SEMA3A: variants seen among roughly 807,000 people sequenced by gnomAD.
The protein encoded by SEMA3A is semaphorin 3A.
SEMA3A carries 29 observed loss-of-function variants against 97.9 expected under a neutral mutation model. That is an observed-to-expected ratio of 0.30 (90% CI 0.22 to 0.40). The LOEUF is 0.40. Ranked by LOEUF, SEMA3A falls within the 10% of genes least tolerant of loss-of-function variation. SEMA3A has a pLI of 1.00. For missense variants in SEMA3A, 763 were observed against 951.3 expected, an observed-to-expected ratio of 0.80 and a Z score of 2.60; for synonymous variants, 321 against 323.7, an observed-to-expected ratio of 0.99 and a Z score of 0.09.
intron 2 of SEMA3A, among the ~76,000 whole-genome samples, chr7:84,357,649 C>T (rs1584261774): frequency 6.6e-6 from 1 of 151,842 alleles, no homozygotes; most frequent in African/African-American, 2.4e-5. Context: ...GGGTATATAC[C>T]CAGTAATGGG....
At chr7:84,098,817 C>T (rs1235489099) in intron 4 of SEMA3A, among the ~76,000 whole-genome samples, 1 of 152,088 alleles carries the variant, frequency 6.6e-6, no homozygotes, top group Non-Finnish European at 1.5e-5. Context: ...AGATGATATA[C>T]TGGCTGTGTG....
rs1317088541 is a variant in SEMA3A, at chr7:84,426,281, T to TAGATAGAC, written c.-245-54382_-245-54381insGTCTATCT. ...AGATAGATATAGATATATAGACAGA[T>TAGATAGAC]AGATAGATAGATAGATAGATAGATA... On this transcript the variant is annotated intron_variant, in intron 1 of 3. Coordinates refer to the SEMA3A transcript ENST00000424555. Among the ~76,000 whole-genome samples, 25 of 108,234 alleles carry TAGATAGAC rather than the reference T, an allele frequency of 2.3e-4. No homozygotes were observed. In the East Asian group the frequency reaches 5.7e-3, roughly 25 times the overall value. 71.0% of individuals were successfully genotyped at this position (108,234 alleles called of 152,430 possible).
chr7:84,450,523 T>C (rs967985745), intron 1 of SEMA3A, among the ~76,000 whole-genome samples: 2 of 152,214 alleles, frequency 1.3e-5, no homozygotes, highest in Admixed American at 6.5e-5. Context: ...TGTGATGCAA[T>C]GTATGGCACA....
chr7:84,073,578 A>G (rs912160780), intron 4 of SEMA3A, among the ~76,000 whole-genome samples: 2 of 152,126 alleles, frequency 1.3e-5, no homozygotes, highest in African/African-American at 4.8e-5. Context: ...ACACAGTGAT[A>G]ATTTTAGTTG....
Position 84,075,285 on chromosome 7 carries a change from T to C in SEMA3A, c.454-14727A>G, listed in dbSNP as rs1292991428. Among the ~76,000 whole-genome samples the C allele has an allele frequency of 2.0e-5, 3 of 151,570 alleles. No individual in the cohort carries two copies. The East Asian group carries it at 5.8e-4, about 30-fold the overall frequency. The stretch of plus-strand genomic sequence containing the variant: ...ACCTCCTGGGTTCAAGTGATTCTCC[T>C]GCCTCAGCCTCCCGAGTAGCTGGGA... On this transcript the variant is annotated intron_variant, in intron 4 of 16. Coordinates refer to ENST00000265362, the MANE Select transcript of SEMA3A (RefSeq NM_006080.3).
chr7:84,186,401 G>A (rs1424617041), intron 1 of SEMA3A, among the ~76,000 whole-genome samples: 1 of 152,154 alleles, frequency 6.6e-6, no homozygotes, highest in Non-Finnish European at 1.5e-5. Context: ...AATAAAGTTT[G>A]CAGAACTTAT....
intron 1 of SEMA3A, among the ~76,000 whole-genome samples, chr7:84,377,514 A>C (rs116078974): frequency 6.6e-6 from 1 of 152,246 alleles, no homozygotes; most frequent in Non-Finnish European, 1.5e-5. Context: ...GCTTTGTAGT[A>C]AATTTTGAAG....
chr7:84,303,959 T>C (rs1278103918), intron 3 of SEMA3A, among the ~76,000 whole-genome samples: 1 of 152,138 alleles, frequency 6.6e-6, no homozygotes, highest in Non-Finnish European at 1.5e-5. Flanking sequence ...CCTAACATTT[T>C]CTAGAGAATT....
At position 83,956,626 on chromosome 7, in the gene SEMA3A, G is replaced by T. The variant is rs758762135; in HGVS notation, c.*4745C>A. 4 of 152,196 alleles carry T rather than the reference G, an allele frequency of 2.6e-5. No individual in the cohort carries two copies. Among genetic ancestry groups the T allele is most frequent in the Admixed American group, 6.5e-5 (1 of 15,278 alleles). The allele number at this position is 152,196 out of a possible 1,614,324, so 9.4% of individuals were successfully genotyped here. A position where few individuals can be genotyped will look rare whatever the true frequency, so the allele number is the denominator to read the frequency against. Reference sequence around the variant, plus strand: ...CAGTCTGTGCCAAGGATGCGAATGTGGGGTACAAACAGAGGGCAATAAATC... The same window carrying T: ...CAGTCTGTGCCAAGGATGCGAATGTTGGGTACAAACAGAGGGCAATAAATC... On this transcript the variant is annotated 3_prime_UTR_variant, in exon 17 of 17. Transcript: ENST00000265362.
intron 11 of SEMA3A, 48 bp from the exon 12 acceptor site, chr7:84,002,094 A>G (rs766688862): frequency 9.4e-7 from 1 of 1,062,800 alleles, no homozygotes; most frequent in Non-Finnish European, 1.4e-6. Context: ...AGATCTGAAC[A>G]GAGATTAGTG....
chr7:84,175,127 G>A (rs1438352410), intron 1 of SEMA3A, among the ~76,000 whole-genome samples: 3 of 152,046 alleles, frequency 2.0e-5, no homozygotes, highest in Admixed American at 6.6e-5. Context: ...GGTGTCCAAC[G>A]GACATGGAGA....
At chr7:84,001,906 A>G in intron 12 of SEMA3A, 49 bp downstream of exon 12, 1 of 1,281,530 alleles carries the variant, frequency 7.8e-7, no homozygotes, top group Non-Finnish European at 1.1e-6. Context: ...GTCCTGGGGG[A>G]AAGACGTACA....
At chr7:83,990,917 C>A (rs1172336746) in intron 12 of SEMA3A, among the ~76,000 whole-genome samples, 1 of 152,068 alleles carries the variant, frequency 6.6e-6, no homozygotes, top group South Asian at 2.1e-4. Context: ...GGCAGTATGA[C>A]CATTTTCACG....
In SEMA3A at chr7:83,958,353, A is replaced by G. The variant is rs1562938162; in HGVS notation, c.*3018T>C. ...ACATCTGAATTCAAATATTTTGAAG[A>G]AATGTGTATTTAGCAAGTGAATACA... On this transcript the variant is annotated 3_prime_UTR_variant, in exon 17 of 17. Transcript: ENST00000265362. 6.6e-6 allele frequency: 1 copy of G among 152,532 alleles called. No individual in the cohort carries two copies. The highest frequency in any genetic ancestry group is 1.5e-5 in the Non-Finnish European group (1 of 67,964). 9.4% of individuals were successfully genotyped at this position (152,532 alleles called of 1,614,324 possible).
Position 84,202,815 on chromosome 7 carries a change from T to C in SEMA3A, c.-82-8147A>G, listed in dbSNP as rs564615565. Among the ~76,000 whole-genome samples, 218 of 152,316 alleles carry C rather than the reference T, an allele frequency of 1.4e-3. 1 individual carries two copies. Among genetic ancestry groups the C allele is most frequent in the Non-Finnish European group, 2.4e-3 (162 of 68,012 alleles). ...GGATACAGATGTATATTCCTAGTCA[T>C]GAATGTCCTAATGCCAATTTATCTC... On this transcript the variant is annotated intron_variant, in intron 3 of 3. Coordinates refer to the SEMA3A transcript ENST00000424555.
chr7:84,398,190 T>C (rs1244661220), intron 1 of SEMA3A, among the ~76,000 whole-genome samples: 1 of 152,190 alleles, frequency 6.6e-6, no homozygotes, highest in East Asian at 1.9e-4. Flanking sequence ...ATCCAACAGG[T>C]CTTTTAAGAC....
Position 84,005,381 on chromosome 7 carries a change from C to T in SEMA3A, c.1318G>A (p.Asp440Asn). 1.2e-6 allele frequency: 2 copies of T among 1,613,840 alleles called. No homozygotes were observed. The highest frequency in any genetic ancestry group is 1.7e-6 in the Non-Finnish European group (2 of 1,179,860). The change falls in exon 11 of 17, where the codon GAT (aspartate) becomes AAT (asparagine). Residue 440 changes from aspartate to asparagine, a missense_variant. Physicochemically the swap from Asp to Asn is conservative, Grantham distance 23. Around this residue, in one of 2 missense-constraint regions of SEMA3A, gnomAD observed 678 missense variants for 881.3 expected, o/e 0.77. Coordinates refer to ENST00000265362, the MANE Select transcript of SEMA3A (RefSeq NM_006080.3). The stretch of plus-strand genomic sequence containing the variant: ...ACATCATACTGTCCATCTTCTGCAT[C>T]CACTCGGTCTACGACAATTTGTGTA... ...QFTQIVVDRV[D>N]AEDGQYDVMF...
At chr7:84,046,908 C>A (rs915899070) in intron 5 of SEMA3A, among the ~76,000 whole-genome samples, 15 of 152,034 alleles carry the variant, frequency 9.9e-5, no homozygotes, top group Non-Finnish European at 1.8e-4. Flanking sequence ...GCAATTAAAT[C>A]TTTTATACAC....
At chr7:84,465,005 G>A (rs897153739) in intron 1 of SEMA3A, among the ~76,000 whole-genome samples, 39 of 152,076 alleles carry the variant, frequency 2.6e-4, no homozygotes, top group African/African-American at 9.2e-4. Context: ...CCCAGAGAGT[G>A]TCACATAAAA....
Sources: gnomAD v4.1 joint callset for allele counts (sites outside exome capture counted in the v4.1 genomes callset) on GRCh38, gnomAD v4.1.1 for gene constraint, gnomAD v4.1.1 regional missense constraint, MANE v1.5 for transcripts, NCBI Gene and HGNC (gene_info 2026-07-23, HGNC 2026-07-21) for gene names.